The following CADPS variants were observed in gnomAD, a reference collection of about 807,000 sequenced individuals.
CADPS encodes calcium dependent secretion activator.
A neutral mutation model predicts 167.3 loss-of-function variants in CADPS; 57 were observed. The ratio of observed to expected loss-of-function variants is 0.34; its 90% CI spans 0.28 to 0.42. The LOEUF (loss-of-function observed/expected upper bound fraction) is 0.42, where lower values mean the gene tolerates loss of function less well. CADPS is among the 20% of genes least tolerant of loss of function. The probability of loss-of-function intolerance (pLI) is 1.00; values close to 1 mark genes in which losing one functional copy is unlikely to be tolerated. For synonymous variants in CADPS, 676 were observed against 635.3 expected (o/e 1.06, Z -0.96); for missense variants, 1,414 against 1,738.1 (o/e 0.81, Z 3.32).
chr3:62,744,244 G>A (rs2080958381), intron 3 of CADPS, among the ~76,000 whole-genome samples: 1 of 152,092 alleles, frequency 6.6e-6, no homozygotes, highest in South Asian at 2.1e-4. Context: ...TGTCCAAACT[G>A]GAGGTCAGGA....
intron 6 of CADPS, among the ~76,000 whole-genome samples, chr3:62,633,291 A>G (rs963425206): frequency 6.6e-6 from 1 of 152,134 alleles, no homozygotes; most frequent in Non-Finnish European, 1.5e-5. Context: ...TGACAGCCAC[A>G]GCCTCCCAAC....
intron 3 of CADPS, among the ~76,000 whole-genome samples, chr3:62,664,870 T>G (rs1265568910): frequency 2.0e-5 from 3 of 152,244 alleles, no homozygotes; most frequent in African/African-American, 7.2e-5. Flanking sequence ...ATGCTGGCAA[T>G]GAAGATGAGT....
chr3:62,779,657 C>T, intron 1 of CADPS: 2 of 526,238 alleles, frequency 3.8e-6, no homozygotes, highest in South Asian at 1.4e-5. Context: ...GTCTCCTTAC[C>T]TGAGTGCAAG....
chr3:62,464,073 G>A (rs1280773653), intron 26 of CADPS, among the ~76,000 whole-genome samples: 1 of 151,870 alleles, frequency 6.6e-6, no homozygotes, highest in African/African-American at 2.4e-5. Flanking sequence ...AAAAATAATA[G>A]TTGCCATTTA....
chr3:62,795,534 G>T (rs986480724), intron 1 of CADPS, among the ~76,000 whole-genome samples: 3 of 152,088 alleles, frequency 2.0e-5, no homozygotes, highest in Non-Finnish European at 2.9e-5. Context: ...GTTTACTAAG[G>T]CTTGTATTTT....
chr3:62,658,305 G>A (rs1323953272), intron 4 of CADPS, among the ~76,000 whole-genome samples: 1 of 152,132 alleles, frequency 6.6e-6, no homozygotes, highest in Non-Finnish European at 1.5e-5. Context: ...GTGTCTGACT[G>A]ACACATTTAA....
intron 28 of CADPS, among the ~76,000 whole-genome samples, chr3:62,416,800 G>C (rs1314605776): frequency 6.6e-6 from 1 of 151,940 alleles, no homozygotes; most frequent in African/African-American, 2.4e-5. Context: ...AACACAGACA[G>C]GACAAAATGA....
intron 1 of CADPS, among the ~76,000 whole-genome samples, chr3:62,846,916 C>T (rs2077539974): frequency 6.6e-6 from 1 of 152,308 alleles, no homozygotes; most frequent in East Asian, 1.9e-4. Flanking sequence ...GATCCACCTG[C>T]CTCGGCCTCC....
At chr3:62,835,335 A>C (rs537503427) in intron 1 of CADPS, among the ~76,000 whole-genome samples, 1 of 152,228 alleles carries the variant, frequency 6.6e-6, no homozygotes, top group Non-Finnish European at 1.5e-5. Flanking sequence ...AATCTAGAAA[A>C]TTCTTGTAAA....
chr3:62,762,374 A>T (rs1275617863), intron 2 of CADPS, among the ~76,000 whole-genome samples: 1 of 152,194 alleles, frequency 6.6e-6, no homozygotes, highest in African/African-American at 2.4e-5. Flanking sequence ...ATATGGGAGA[A>T]GGCCAGGTGT....
chr3:62,663,850 CCA>C (rs1249700887), intron 3 of CADPS, among the ~76,000 whole-genome samples: 2 of 152,152 alleles, frequency 1.3e-5, no homozygotes, highest in African/African-American at 4.8e-5. Context: ...CTTCCCCTTT[CCA>C]CAGTTTGGGA....
chr3:62,559,229 G>C (rs1231769402), intron 9 of CADPS, among the ~76,000 whole-genome samples: 1 of 152,180 alleles, frequency 6.6e-6, no homozygotes, highest in East Asian at 1.9e-4. Flanking sequence ...TTGAAGACAG[G>C]TCTAGGGAGT....
rs1207151360 is a variant in CADPS at position 62,455,216 on chromosome 3, C to T, written c.3637-9419G>A. On this transcript the variant is annotated intron_variant, in intron 26 of 29. Transcript: ENST00000383710. The surrounding 1 kb of genome is among the most constrained non-coding windows in gnomAD (Gnocchi z 4.4). The stretch of plus-strand genomic sequence containing the variant: ...AGTTTTCCTTTTCCTCATTTCTGTC[C>T]CAATCCCTCATTCCCAGAGAGGATT... 1.3e-5 allele frequency among the ~76,000 whole-genome samples: 2 copies of T among 148,938 alleles called. No individual in the cohort carries two copies. The highest frequency in any genetic ancestry group is 6.9e-5 in the Admixed American group (1 of 14,522).
chr3:62,867,820 ATC>A (rs1327755868), intron 1 of CADPS, among the ~76,000 whole-genome samples: 1 of 152,098 alleles, frequency 6.6e-6, no homozygotes, highest in African/African-American at 2.4e-5. Flanking sequence ...TTACTATATT[ATC>A]TCAATTAATT....
chr3:62,795,171 C>A (rs1160333473), intron 1 of CADPS, among the ~76,000 whole-genome samples: 2 of 152,144 alleles, frequency 1.3e-5, no homozygotes, highest in Non-Finnish European at 2.9e-5. Context: ...TGTCTCACTG[C>A]AGGGCCTTTG....
chr3:62,843,520 T>C (rs1177124855), intron 1 of CADPS, among the ~76,000 whole-genome samples: 1 of 152,000 alleles, frequency 6.6e-6, no homozygotes, highest in African/African-American at 2.4e-5. Flanking sequence ...TGTGTGTGTC[T>C]ATGTGTGTAC....
chr3:62,748,203 G>A (rs1306517445), intron 3 of CADPS, among the ~76,000 whole-genome samples: 4 of 145,808 alleles, frequency 2.7e-5, no homozygotes, highest in African/African-American at 7.6e-5. Flanking sequence ...AAAATTAGCC[G>A]GGCATGGTGG....
At chr3:62,607,683 C>A (rs937624798) in intron 6 of CADPS, among the ~76,000 whole-genome samples, 1 of 152,162 alleles carries the variant, frequency 6.6e-6, no homozygotes, top group African/African-American at 2.4e-5. Context: ...GAGGGGATTA[C>A]GGAAGCTGTT....
At chr3:62,492,506 A>G in intron 19 of CADPS, 60 bp from the exon 20 acceptor site, 1 of 1,528,046 alleles carries the variant, frequency 6.5e-7, no homozygotes, top group East Asian at 2.3e-5. Flanking sequence ...TCTCGGACAT[A>G]AGACGTGAAT....
Sources: gnomAD v4.1 joint callset for allele counts (sites outside exome capture counted in the v4.1 genomes callset) on GRCh38, gnomAD v4.1.1 for gene constraint, Gnocchi (gnomAD v3.1) non-coding constraint, MANE v1.5 for transcripts, NCBI Gene and HGNC (gene_info 2026-07-23, HGNC 2026-07-21) for gene names.